Variants in EPHB2 observed in about 807,000 individuals in gnomAD.
EPHB2 encodes ephrin type-B receptor 2.
Under a neutral mutation model 96.4 loss-of-function variants are expected in EPHB2, and 18 were observed. The observed-to-expected ratio is 0.19, with a 90% CI of 0.13 to 0.28. EPHB2 has a LOEUF of 0.28. Ranked by LOEUF, EPHB2 falls within the 10% of genes least tolerant of loss-of-function variation. The pLI, the probability that EPHB2 is intolerant of heterozygous loss-of-function variation, is 1.00. For missense variants in EPHB2, 989 were observed against 1,355.4 expected (o/e 0.73, Z 4.25); for synonymous variants, 506 against 534.1 (o/e 0.95, Z 0.72).
intron 3 of EPHB2, among the ~76,000 whole-genome samples, chr1:22,850,401 G>A (rs1403051197): frequency 1.3e-5 from 2 of 152,294 alleles, no homozygotes; most frequent in Middle Eastern, 3.4e-3. Context: ...CCCCAGCTCC[G>A]CCAGGTCCAT....
In EPHB2 at chr1:22,865,094, C is replaced by T. The variant is rs1570408054; in HGVS notation, c.1185C>T (p.Ile395=). 1.9e-6 allele frequency: 3 copies of T among 1,614,268 alleles called. No homozygotes were observed. Among genetic ancestry groups the T allele is most frequent in the Non-Finnish European group, 2.5e-6 (3 of 1,180,050 alleles). Residue 395 remains isoleucine (I), a synonymous_variant, in exon 5 of 16, where the codon ATC becomes ATT. Coordinates refer to ENST00000374630, the MANE Select transcript of EPHB2 (RefSeq NM_017449.5). ...GCCTGACCGAGCCACGCATTTACATCAGTGACCTGCTGGCCCACACCCAGT... is the reference window on the plus strand; with the variant it reads ...GCCTGACCGAGCCACGCATTTACATTAGTGACCTGCTGGCCCACACCCAGT... ...QLGLTEPRIY[I]SDLLAHTQYT...
chr1:22,890,342 A>G (rs1020526120), intron 6 of EPHB2, among the ~76,000 whole-genome samples: 1 of 152,130 alleles, frequency 6.6e-6, no homozygotes, highest in African/African-American at 2.4e-5. Flanking sequence ...GAGGAGGCAG[A>G]TGATCTGGCT....
At chr1:22,757,068 A>G (rs923583644) in intron 1 of EPHB2, among the ~76,000 whole-genome samples, 1 of 152,112 alleles carries the variant, frequency 6.6e-6, no homozygotes, top group African/African-American at 2.4e-5. Flanking sequence ...TCTTGTAAGC[A>G]TATACTTTTT....
At chr1:22,743,117 C>G (rs1643924611) in intron 1 of EPHB2, among the ~76,000 whole-genome samples, 1 of 151,938 alleles carries the variant, frequency 6.6e-6, no homozygotes, top group South Asian at 2.1e-4. Context: ...GTCTTGAACT[C>G]CTGGGCTCAA....
chr1:22,827,876 G>C (rs1178810084), intron 3 of EPHB2, among the ~76,000 whole-genome samples: 2 of 152,220 alleles, frequency 1.3e-5, no homozygotes, highest in Non-Finnish European at 2.9e-5. Flanking sequence ...CCTTGGCCTT[G>C]CTCCAGGGGC....
chr1:22,815,366 C>T (rs1373472559), intron 3 of EPHB2, among the ~76,000 whole-genome samples: 2 of 152,244 alleles, frequency 1.3e-5, no homozygotes, highest in East Asian at 3.8e-4. Context: ...AATAGGGAAA[C>T]CAAGGCCCAT....
At chr1:22,728,811 C>T (rs1286071317) in intron 1 of EPHB2, among the ~76,000 whole-genome samples, 2 of 152,220 alleles carry the variant, frequency 1.3e-5, no homozygotes, top group African/African-American at 4.8e-5. Context: ...CCTCTGGGAC[C>T]TCAGCACCTC....
intron 9 of EPHB2, among the ~76,000 whole-genome samples, chr1:22,902,133 C>A (rs1639772483): frequency 6.6e-6 from 1 of 152,176 alleles, no homozygotes; most frequent in African/African-American, 2.4e-5. Flanking sequence ...ACTCATTTAA[C>A]CTTTCTTATG....
At chr1:22,895,415 A>T in intron 7 of EPHB2, 57 bp from the exon 8 acceptor site, 2 of 1,535,328 alleles carry the variant, frequency 1.3e-6, no homozygotes, top group Non-Finnish European at 1.8e-6. Flanking sequence ...GTAGGGGACA[A>T]GGGTATTACG....
rs1464392915 is a variant in EPHB2, at chr1:22,865,021, C to A, written c.1112C>A (p.Ala371Asp). 6.2e-7 allele frequency: 1 copy of A among 1,612,614 alleles called. No individual in the cohort carries two copies. The highest frequency in any genetic ancestry group is 8.5e-7 in the Non-Finnish European group (1 of 1,178,844). The change falls in exon 5 of 16, where the codon GCC (alanine) becomes GAC (aspartate). Residue 371 changes from alanine to aspartate, a missense_variant. Physicochemically the swap from Ala to Asp is moderately radical, Grantham distance 126. Transcript: ENST00000374630. ...AAGAGCTGTGGCTCGGGCCGGGGTG[C>A]CTGCACCCGCTGCGGGGACAATGTA... ...ICKSCGSGRG[A>D]CTRCGDNVQY...
chr1:22,802,981 C>T (rs1644867283), intron 3 of EPHB2, among the ~76,000 whole-genome samples: 1 of 152,112 alleles, frequency 6.6e-6, no homozygotes, highest in South Asian at 2.1e-4. Context: ...TATGGGGACC[C>T]ACTGGGGAGA....
At chr1:22,910,306 G>C (rs1406013209) in intron 13 of EPHB2, 76 bp from the exon 14 acceptor site, 2 of 1,578,412 alleles carry the variant, frequency 1.3e-6, no homozygotes, top group South Asian at 1.1e-5. Context: ...ATGTACTGGG[G>C]GTAAGATGGG....
intron 3 of EPHB2, among the ~76,000 whole-genome samples, chr1:22,797,201 C>G (rs1374578001): frequency 1.3e-5 from 2 of 152,166 alleles, no homozygotes; most frequent in Non-Finnish European, 2.9e-5. Context: ...GCTGCTGACT[C>G]CCGTTCCTAG....
At chr1:22,738,878 T>G (rs1643871674) in intron 1 of EPHB2, among the ~76,000 whole-genome samples, 1 of 152,132 alleles carries the variant, frequency 6.6e-6, no homozygotes, top group Non-Finnish European at 1.5e-5. Flanking sequence ...CCACAGTCCT[T>G]GAACGGTTTG....
intron 3 of EPHB2, among the ~76,000 whole-genome samples, chr1:22,855,419 T>C (rs1455244538): frequency 6.6e-6 from 1 of 152,182 alleles, no homozygotes; most frequent in Non-Finnish European, 1.5e-5. Context: ...AGCCAGCAGG[T>C]AAGCCTGGTT....
chr1:22,781,556 C>T lies in EPHB2; in HGVS notation c.126+71C>T. ...CAAGCCCTGCTGCAGGGCCCGAATG[C>T]CCCCTCATATTCTAACCCCTTTCCC... On this transcript the variant is annotated intron_variant, in intron 2 of 15. Coordinates refer to ENST00000374630, the MANE Select transcript of EPHB2 (RefSeq NM_017449.5). 2.7e-6 allele frequency: 4 copies of T among 1,493,506 alleles called. No individual in the cohort carries two copies. The South Asian group carries it at 3.4e-5, about 13-fold the overall frequency. 92.5% of individuals were successfully genotyped at this position (1,493,506 alleles called of 1,614,324 possible).
Position 22,895,611 on chromosome 1 carries a change from T to C in EPHB2, c.1700+31T>C, listed in dbSNP as rs41307781. 6.6e-3 allele frequency: 10,546 copies of C among 1,598,496 alleles called. 35 individuals carry two copies. Among genetic ancestry groups the C allele is most frequent in the Non-Finnish European group, 8.3e-3 (9,698 of 1,166,314 alleles). On this transcript the variant is annotated intron_variant, in intron 8 of 15. Coordinates refer to ENST00000374630, the MANE Select transcript of EPHB2 (RefSeq NM_017449.5). Reference sequence around the variant, plus strand: ...TGGGGTCTCCAGGCTTGGCCAGGCCTGGCTGTCCCAGATGGCTTCTCTCTC... The same window carrying C: ...TGGGGTCTCCAGGCTTGGCCAGGCCCGGCTGTCCCAGATGGCTTCTCTCTC...
At chr1:22,745,131 A>C (rs1248190217) in intron 1 of EPHB2, among the ~76,000 whole-genome samples, 1 of 152,234 alleles carries the variant, frequency 6.6e-6, no homozygotes, top group Non-Finnish European at 1.5e-5. Flanking sequence ...CAGGGACTAG[A>C]GCACAATGTT....
intron 1 of EPHB2, among the ~76,000 whole-genome samples, chr1:22,753,137 T>A (rs2148382435): frequency 6.6e-6 from 1 of 152,256 alleles, no homozygotes; most frequent in Non-Finnish European, 1.5e-5. Flanking sequence ...TTTCACCCAC[T>A]ACTGGTTTAG....
Sources: allele counts gnomAD v4.1 joint callset (sites outside exome capture counted in the v4.1 genomes callset), GRCh38; gene constraint gnomAD v4.1.1; transcripts MANE v1.5; gene names NCBI Gene and HGNC (gene_info 2026-07-23, HGNC 2026-07-21).